USP42: variants seen among roughly 807,000 people sequenced by gnomAD.
The protein encoded by USP42 is ubiquitin specific peptidase 42, also known as ubiquitin carboxyl-terminal hydrolase 42.
A neutral mutation model predicts 113.0 loss-of-function variants in USP42; 23 were observed. That is an observed-to-expected ratio of 0.20 (90% CI 0.15 to 0.29). The LOEUF (loss-of-function observed/expected upper bound fraction) is 0.29, where lower values mean the gene tolerates loss of function less well. Among genes scored for constraint, USP42 ranks in the 10% least tolerant of loss-of-function variants. The pLI, the probability that USP42 is intolerant of heterozygous loss-of-function variation, is 1.00. For missense variants in USP42, 2,174 were observed against 1,779.8 expected, an observed-to-expected ratio of 1.22 and a Z score of -3.99; for synonymous variants, 933 against 699.0, an observed-to-expected ratio of 1.33 and a Z score of -5.28.
the USP42 span, among the ~76,000 whole-genome samples, chr7:6,099,130 C>T: frequency 4.7e-5 from 7 of 149,446 alleles, no homozygotes; most frequent in Admixed American, 4.7e-4. Flanking sequence ...TTATAGATGA[C>T]AGACTGCTGA....
chr7:6,144,585 A>C (rs554528389), intron 9 of USP42, among the ~76,000 whole-genome samples: 45 of 152,240 alleles, frequency 3.0e-4, no homozygotes, highest in African/African-American at 1.1e-3. Context: ...AAATTAAATA[A>C]TCGGCCGAGT....
intron 2 of USP42, among the ~76,000 whole-genome samples, chr7:6,112,747 CA>C (rs773133044): frequency 6.6e-6 from 1 of 151,884 alleles, no homozygotes; most frequent in Non-Finnish European, 1.5e-5. Flanking sequence ...TTTTTAAGCT[CA>C]TTAGCTGTCG....
At chr7:6,135,793 T>G (rs775689976) in intron 3 of USP42, 48 bp from the exon 4 acceptor site, 10 of 1,179,336 alleles carry the variant, frequency 8.5e-6, no homozygotes, top group Non-Finnish European at 1.2e-5. Context: ...TTGATGTGTG[T>G]ATATGGTTGT....
At chr7:6,119,252 T>G (rs1780082050) in intron 3 of USP42, among the ~76,000 whole-genome samples, 1 of 152,012 alleles carries the variant, frequency 6.6e-6, no homozygotes, top group South Asian at 2.1e-4. Context: ...TCCTCCAACT[T>G]TGTTCTTTCT....
the USP42 span, among the ~76,000 whole-genome samples, chr7:6,093,950 C>A: frequency 1.4e-5 from 2 of 148,126 alleles, no homozygotes; most frequent in African/African-American, 5.1e-5. Flanking sequence ...GAGTGCATGG[C>A]GCGATGTGGG....
chr7:6,141,196 C>CTTTTTTTTTTTTTTTTTTTTTTTTTTT (rs199589142), intron 7 of USP42, among the ~76,000 whole-genome samples: 1 of 131,872 alleles, frequency 7.6e-6, no homozygotes, highest in African/African-American at 2.8e-5. Flanking sequence ...TTTTCTTTTT[C>CTTTTTTTTTTTTTTTTTTTTTTTTTTT]TTTTCTTTTT....
upstream of USP42, among the ~76,000 whole-genome samples, chr7:6,103,376 A>C (rs1790191483): frequency 1.3e-5 from 2 of 150,664 alleles, 1 homozygote; most frequent in African/African-American, 5.0e-5. Flanking sequence ...GTCTCTACAA[A>C]ATACAAAAAA....
chr7:6,133,662 A>G (rs576818347), intron 3 of USP42, among the ~76,000 whole-genome samples: 29 of 151,960 alleles, frequency 1.9e-4, no homozygotes, highest in African/African-American at 7.0e-4. Flanking sequence ...TGAGACTACA[A>G]GCACGTGCCA....
rs1782223373 is a variant in USP42 at position 6,153,885 on chromosome 7, G to GC, written c.2335dup (p.Arg779ProfsTer39). 6.4e-7 allele frequency: 1 copy of GC among 1,572,868 alleles called. No homozygotes were observed. The highest frequency in any genetic ancestry group is 8.6e-7 in the Non-Finnish European group (1 of 1,161,486). On this transcript the variant is annotated frameshift_variant, in exon 15 of 18. Coordinates refer to ENST00000306177, the MANE Select transcript of USP42 (RefSeq NM_032172.3). LOFTEE classifies it high-confidence loss of function. ...TCAGCAGCACCAAGAAGGCTCCGCC[G>GC]CCCCGCGATCCCGGCACCCCCGCTA...
chr7:6,116,150 G>A (rs1479560932), intron 3 of USP42, among the ~76,000 whole-genome samples: 2 of 150,642 alleles, frequency 1.3e-5, no homozygotes, highest in Middle Eastern at 3.6e-3. Context: ...TGGGACAGGC[G>A]AGGTTAAGAA....
chr7:6,154,215 C>A lies in USP42; in HGVS notation c.2661C>A (p.Ser887=). 6.2e-7 allele frequency: 1 copy of A among 1,606,998 alleles called. No homozygotes were observed. Among genetic ancestry groups the A allele is most frequent in the Non-Finnish European group, 8.5e-7 (1 of 1,179,008 alleles). Residue 887 remains serine, a synonymous_variant, in exon 15 of 18, where the codon TCC becomes TCA. Coordinates refer to ENST00000306177, the MANE Select transcript of USP42 (RefSeq NM_032172.3). ...ACGCCCGGGACGCTCAGGACCCATC[C>A]CAGAGCTTGGGCGCACCCGAGGCCG... ...GDHARDAQDP[S]QSLGAPEAAE...
chr7:6,095,160 T>A, the USP42 span, among the ~76,000 whole-genome samples: 4 of 151,202 alleles, frequency 2.6e-5, no homozygotes, highest in African/African-American at 7.4e-5. Flanking sequence ...TATGACTATT[T>A]GAGTATCACA....
In USP42 at chr7:6,145,535, A is replaced by G; in HGVS notation, c.1010A>G (p.Tyr337Cys). 6 of 1,613,922 alleles carry G rather than the reference A, an allele frequency of 3.7e-6. No individual in the cohort carries two copies. Among genetic ancestry groups the G allele is most frequent in the Non-Finnish European group, 4.2e-6 (5 of 1,179,870 alleles). Reference sequence around the variant, plus strand: ...TTCTAGGATGTGAAATACCCTGAGTATCTTGATATTCGGCCATATATGTCT... The same window carrying G: ...TTCTAGGATGTGAAATACCCTGAGTGTCTTGATATTCGGCCATATATGTCT... ...KIAKDVKYPE[Y>C]LDIRPYMSQP... The change falls in exon 10 of 18, where the codon TAT becomes TGT. Residue 337 changes from tyrosine (Y) to cysteine (C), a missense_variant. Tyr to Cys is a radical substitution (Grantham distance 194, BLOSUM62 -2). Coordinates refer to ENST00000306177, the MANE Select transcript of USP42 (RefSeq NM_032172.3).
rs997220156 is a variant in USP42, at chr7:6,153,784, G to A, written c.2230G>A (p.Glu744Lys). 6.0e-6 allele frequency: 9 copies of A among 1,492,236 alleles called. No homozygotes were observed. The highest frequency in any genetic ancestry group is 4.8e-5 in the Admixed American group (2 of 41,316). 92.4% of individuals were successfully genotyped at this position (1,492,236 alleles called of 1,614,324 possible). The change falls in exon 15 of 18, where the codon GAG becomes AAG. Residue 744 changes from glutamate (E) to lysine (K), a missense_variant. Transcript: ENST00000306177. ...ACCTGGAGCAGAGAGGGGCCCTCCC[G>A]AGGACCGCGACGCCGAGCCTCAGCC... Reference protein sequence around the residue: ...SAPGAERGPPEDRDAEPQPGS... With the variant: ...SAPGAERGPPKDRDAEPQPGS...
chr7:6,132,217 C>A (rs1201645715), intron 3 of USP42, among the ~76,000 whole-genome samples: 1 of 152,140 alleles, frequency 6.6e-6, no homozygotes, highest in Non-Finnish European at 1.5e-5. Flanking sequence ...AGCCACCACA[C>A]CTGGCCCGTT....
At chr7:6,092,828 C>T in the USP42 span, among the ~76,000 whole-genome samples, 4 of 151,406 alleles carry the variant, frequency 2.6e-5, no homozygotes, top group South Asian at 8.3e-4. Flanking sequence ...AAATATATCC[C>T]TCCTTGAACA....
intron 7 of USP42, among the ~76,000 whole-genome samples, chr7:6,142,622 C>A (rs1375741224): frequency 6.6e-6 from 1 of 152,112 alleles, no homozygotes; most frequent in African/African-American, 2.4e-5. Context: ...ACAGCTCATA[C>A]CTGTAATCCT....
intron 3 of USP42, among the ~76,000 whole-genome samples, chr7:6,123,401 C>T (rs891860526): frequency 3.3e-5 from 5 of 151,982 alleles, no homozygotes; most frequent in Admixed American, 6.6e-5. Flanking sequence ...CGGTGGCTCA[C>T]GCCTGTAATC....
At chr7:6,095,485 T>C in the USP42 span, among the ~76,000 whole-genome samples, 1 of 151,012 alleles carries the variant, frequency 6.6e-6, no homozygotes, top group African/African-American at 2.5e-5. Context: ...CTCGCCAACA[T>C]AGTGAAACCC....
Sources: gnomAD v4.1 joint callset for allele counts (sites outside exome capture counted in the v4.1 genomes callset) on GRCh38, gnomAD v4.1.1 for gene constraint, MANE v1.5 for transcripts, NCBI Gene and HGNC (gene_info 2026-07-23, HGNC 2026-07-21) for gene names.